SCAF11: variants seen among roughly 807,000 people sequenced by gnomAD.
SCAF11 encodes SR-related CTD associated factor 11, also known as protein SCAF11.
A neutral mutation model predicts 140.5 loss-of-function variants in SCAF11; 47 were observed. That is an observed-to-expected ratio of 0.33 (90% CI 0.26 to 0.43). SCAF11 has a LOEUF of 0.43. Ranked by LOEUF, SCAF11 falls within the 20% of genes least tolerant of loss-of-function variation. The probability of loss-of-function intolerance (pLI) is 1.00; values close to 1 mark genes in which losing one functional copy is unlikely to be tolerated. For synonymous variants in SCAF11, 557 were observed against 579.4 expected (o/e 0.96, Z 0.55); for missense variants, 1,645 against 1,705.1 (o/e 0.96, Z 0.62).
chr12:45,958,940 C>G (rs1945762369), intron 3 of SCAF11, among the ~76,000 whole-genome samples: 1 of 152,114 alleles, frequency 6.6e-6, no homozygotes, highest in Admixed American at 6.5e-5. Flanking sequence ...TTCAAAACAC[C>G]AGTTTCTTAC....
chr12:45,950,037 A>G (rs1024517964), intron 4 of SCAF11, among the ~76,000 whole-genome samples: 3 of 152,188 alleles, frequency 2.0e-5, no homozygotes, highest in Non-Finnish European at 4.4e-5. Context: ...TCATACATAC[A>G]TACATACATA....
intron 5 of SCAF11, among the ~76,000 whole-genome samples, chr12:45,947,195 C>A (rs1945441931): frequency 6.6e-6 from 1 of 152,148 alleles, no homozygotes; most frequent in African/African-American, 2.4e-5. Context: ...AACTCTTGGA[C>A]AGCTCTAAAT....
At chr12:45,971,252 C>A (rs1946065983) in intron 1 of SCAF11, among the ~76,000 whole-genome samples, 1 of 152,112 alleles carries the variant, frequency 6.6e-6, no homozygotes, top group Non-Finnish European at 1.5e-5. Flanking sequence ...AAATATAATT[C>A]TCAAACTGTA....
Position 45,928,637 on chromosome 12 carries a change from G to C in SCAF11, c.1064C>G (p.Ser355Cys). Residue 355 changes from serine (S) to cysteine (C), a missense_variant, in exon 11 of 15, where the codon TCT (serine) becomes TGT (cysteine). Around this residue, in one of 2 missense-constraint regions of SCAF11, gnomAD observed 1,582 missense variants for 1,609.2 expected, o/e 0.98. Coordinates refer to ENST00000369367, the MANE Select transcript of SCAF11 (RefSeq NM_004719.3). ...GCDAPGNSNP[S>C]LSVPSSAESE... ...CTCAGCTGAAGAGGGAACACTTAAAGATGGATTACTGTTACCTGGGGCATC... is the reference window on the plus strand; with the variant it reads ...CTCAGCTGAAGAGGGAACACTTAAACATGGATTACTGTTACCTGGGGCATC... 1.9e-6 allele frequency: 3 copies of C among 1,614,106 alleles called. No homozygotes were observed. The highest frequency in any genetic ancestry group is 2.5e-6 in the Non-Finnish European group (3 of 1,179,986).
chr12:45,925,084 G>C lies in SCAF11; in HGVS notation c.3560-10C>G. On this transcript the variant is annotated splice_polypyrimidine_tract_variant and intron_variant, in intron 11 of 14. Transcript: ENST00000369367. ...TCTTTTAGGCTAGAATCTATCAAAA[G>C]AAAAAAAGCTTGTGAAAAAAATCAT... The C allele has an allele frequency of 5.1e-6, 8 of 1,575,130 alleles. No homozygotes were observed. The highest frequency in any genetic ancestry group is 6.9e-6 in the Non-Finnish European group (8 of 1,159,972).
At position 45,927,663 on chromosome 12, in the gene SCAF11, A is replaced by C. The variant is rs1168914807; in HGVS notation, c.2038T>G (p.Ser680Ala). ...NNLLNTKLEK[S>A]LEEKNESLTE... ...AGCGATTCATTCTTTTCTTCTAAAG[A>C]TTTTTCCAATTTGGTGTTCAGAAGA... Residue 680 changes from serine to alanine, a missense_variant, in exon 11 of 15, where the codon TCT becomes GCT. Transcript: ENST00000369367. The C allele has an allele frequency of 3.1e-6, 5 of 1,611,824 alleles. No homozygotes were observed. Among genetic ancestry groups the C allele is most frequent in the Non-Finnish European group, 4.2e-6 (5 of 1,179,944 alleles).
Position 45,961,690 on chromosome 12 carries a change from T to A in SCAF11, c.219+10A>T. The A allele has an allele frequency of 6.2e-7, 1 of 1,602,420 alleles. No individual in the cohort carries two copies. The highest frequency in any genetic ancestry group is 8.5e-7 in the Non-Finnish European group (1 of 1,174,794). ...TAGGAAATTAAAATACATTAATGTG[T>A]CAGACTTACCTCTGCCCATTTAAGA... is the stretch of plus-strand genomic sequence containing the variant. On this transcript the variant is annotated intron_variant, in intron 3 of 14. Transcript: ENST00000369367.
chr12:45,923,133 C>A lies in SCAF11; in HGVS notation c.3928G>T (p.Val1310Leu), dbSNP rs989795481. The A allele has an allele frequency of 1.9e-6, 3 of 1,613,992 alleles. No individual in the cohort carries two copies. The highest frequency in any genetic ancestry group is 3.3e-5 in the Admixed American group (2 of 60,008). ...QLQGIPSSSH[V>L]SNNMSTPVLP... ...ACTGGTGTACTCATGTTATTACTTA[C>A]ATGAGAAGAACTAGGAATACCCTGT... is the stretch of plus-strand genomic sequence containing the variant. The change falls in exon 13 of 15, where the codon GTA becomes TTA. Residue 1310 changes from valine (V) to leucine (L), a missense_variant. This residue lies in a region of SCAF11 where 1,582 missense variants were observed against 1,609.2 expected (regional missense o/e 0.98). Coordinates refer to ENST00000369367, the MANE Select transcript of SCAF11 (RefSeq NM_004719.3).
chr12:45,945,337 A>C (rs747944773), intron 5 of SCAF11, 24 bp from the exon 6 acceptor site: 1 of 1,398,776 alleles, frequency 7.1e-7, no homozygotes, highest in East Asian at 2.3e-5. Context: ...TAAAGACAGG[A>C]AAGAATTAAG....
At chr12:45,943,684 T>C (rs1945358572) in intron 6 of SCAF11, among the ~76,000 whole-genome samples, 1 of 152,144 alleles carries the variant, frequency 6.6e-6, no homozygotes, top group South Asian at 2.1e-4. Context: ...GGTTGGTCAG[T>C]GAAGACATTT....
chr12:45,958,015 A>G (rs1945737232), intron 3 of SCAF11, among the ~76,000 whole-genome samples: 1 of 151,438 alleles, frequency 6.6e-6, no homozygotes, highest in Non-Finnish European at 1.5e-5. Context: ...ACCTCCCCCC[A>G]TCAGCTTCCC....
chr12:45,971,750 T>C (rs1185892790), intron 1 of SCAF11, among the ~76,000 whole-genome samples: 2 of 152,172 alleles, frequency 1.3e-5, no homozygotes, highest in Non-Finnish European at 2.9e-5. Context: ...CATGTCCCAA[T>C]TCCCAAATGA....
At chr12:45,974,380 C>T in intron 1 of SCAF11, 1 of 354,980 alleles carries the variant, frequency 2.8e-6, no homozygotes, top group Non-Finnish European at 5.6e-6. Flanking sequence ...ACTGACACTC[C>T]TTTCACAAAA....
At chr12:45,945,064 A>G (rs1278780965) in intron 6 of SCAF11, 185 bp downstream of exon 6, 1 of 560,956 alleles carries the variant, frequency 1.8e-6, no homozygotes, top group Non-Finnish European at 3.1e-6. Context: ...CAAGAAGGAA[A>G]AAAGGGGCAG....
chr12:45,980,208 G>C (rs1187803361), intron 1 of SCAF11, among the ~76,000 whole-genome samples: 1 of 152,136 alleles, frequency 6.6e-6, no homozygotes, highest in Non-Finnish European at 1.5e-5. Flanking sequence ...ATTAATCCAA[G>C]TCACCAGAAA....
intron 6 of SCAF11, among the ~76,000 whole-genome samples, chr12:45,938,352 G>A (rs536400336): frequency 2.6e-4 from 40 of 152,234 alleles, no homozygotes; most frequent in African/African-American, 8.9e-4. Context: ...AGCCGGGCAT[G>A]ATGGCGGGCA....
chr12:45,991,949 C>A (rs1432893852), upstream of SCAF11: 1 of 1,289,154 alleles, frequency 7.8e-7, no homozygotes. Context: ...CCGTTCTGTT[C>A]GCGCGTGCTG....
At chr12:45,932,021 C>A (rs1555166577) in intron 9 of SCAF11, among the ~76,000 whole-genome samples, 1 of 151,942 alleles carries the variant, frequency 6.6e-6, no homozygotes, top group Non-Finnish European at 1.5e-5. Flanking sequence ...CATTTGCTAA[C>A]TTTTTACCAA....
intron 1 of SCAF11, among the ~76,000 whole-genome samples, chr12:45,968,548 C>T (rs553051858): frequency 8.8e-4 from 133 of 151,802 alleles, no homozygotes; most frequent in African/African-American, 2.9e-3. Flanking sequence ...AAAAAAAAAG[C>T]ACTGATAAAA....
Sources: allele counts gnomAD v4.1 joint callset (sites outside exome capture counted in the v4.1 genomes callset), GRCh38; gene constraint gnomAD v4.1.1; regional missense constraint gnomAD v4.1.1; transcripts MANE v1.5; gene names NCBI Gene and HGNC (gene_info 2026-07-23, HGNC 2026-07-21).